Variants in PKP2 observed in about 807,000 individuals in gnomAD.
The protein encoded by PKP2 is plakophilin 2, also known as plakophilin-2.
PKP2 carries 73 observed loss-of-function variants against 83.4 expected under a neutral mutation model. The observed-to-expected ratio is 0.88, with a 90% CI of 0.72 to 1.06. The LOEUF (loss-of-function observed/expected upper bound fraction) is 1.06. Among genes scored for constraint, PKP2 ranks in the 50% least tolerant of loss-of-function variants. The pLI, the probability that PKP2 is intolerant of heterozygous loss-of-function variation, is 0.00. For missense variants in PKP2, 966 were observed against 1,065.4 expected (o/e 0.91, Z 1.30); for synonymous variants, 409 against 430.4 (o/e 0.95, Z 0.62).
intron 10 of PKP2, 21 bp downstream of exon 10, chr12:32,802,382 T>C (rs1278571463): frequency 2.5e-6 from 4 of 1,610,296 alleles, no homozygotes; most frequent in East Asian, 2.2e-5. Flanking sequence ...ATATTACACA[T>C]AGATACTTAT....
intron 1 of PKP2, among the ~76,000 whole-genome samples, chr12:32,885,577 G>A (rs914205190): frequency 4.0e-5 from 6 of 151,898 alleles, no homozygotes; most frequent in Admixed American, 1.3e-4. Context: ...CTTGGGGGCC[G>A]GGCTTGAACC....
chr12:32,835,043 G>A (rs1956532647), intron 6 of PKP2, among the ~76,000 whole-genome samples: 1 of 144,890 alleles, frequency 6.9e-6, no homozygotes, highest in Admixed American at 7.0e-5. Context: ...AAAGAAGACA[G>A]CCATTTCTTT....
chr12:32,868,400 T>C (rs1415153408), intron 4 of PKP2, among the ~76,000 whole-genome samples: 1 of 151,914 alleles, frequency 6.6e-6, no homozygotes, highest in Non-Finnish European at 1.5e-5. Flanking sequence ...TTTTTTTTAG[T>C]AGAGTTGGGG....
At chr12:32,887,045 C>G (rs151011231) in intron 1 of PKP2, among the ~76,000 whole-genome samples, 4 of 151,504 alleles carry the variant, frequency 2.6e-5, no homozygotes, top group African/African-American at 9.7e-5. Flanking sequence ...AAAATTGTTT[C>G]AAAGCAGATG....
Position 32,896,603 on chromosome 12 carries a change from G to T in PKP2, c.129C>A (p.Ser43Arg). The T allele has an allele frequency of 6.3e-7, 1 of 1,584,968 alleles. No individual in the cohort carries two copies. The change falls in exon 1 of 13, where the codon AGC (serine) becomes AGA (arginine). Residue 43 changes from serine (S) to arginine (R), a missense_variant. Transcript: ENST00000340811. ...PSEAKLKLAG[S>R]SGRGGQTVKS... ...TGACTGTCTGGCCGCCGCGGCCGCT[G>T]CTCCCCGCCAGCTTCAGCTTGGCCT...
At chr12:32,867,763 T>C (rs1281486715) in intron 4 of PKP2, among the ~76,000 whole-genome samples, 8 of 152,218 alleles carry the variant, frequency 5.3e-5, no homozygotes, top group Admixed American at 1.3e-4. Flanking sequence ...AAAATTGATA[T>C]ATGTGTTTGT....
chr12:32,834,865 T>C (rs191721129), intron 6 of PKP2, among the ~76,000 whole-genome samples: 2 of 151,590 alleles, frequency 1.3e-5, no homozygotes, highest in African/African-American at 4.8e-5. Context: ...CAATCAGTGA[T>C]GTAGAAAACA....
At chr12:32,800,821 C>G (rs916230710) in intron 10 of PKP2, among the ~76,000 whole-genome samples, 2 of 152,196 alleles carry the variant, frequency 1.3e-5, no homozygotes, top group Admixed American at 1.3e-4. Flanking sequence ...TGTGTGAAAT[C>G]TGTTATTCTG....
chr12:32,831,900 A>G (rs183231663), intron 6 of PKP2, among the ~76,000 whole-genome samples: 1 of 152,340 alleles, frequency 6.6e-6, no homozygotes, highest in Non-Finnish European at 1.5e-5. Flanking sequence ...CAGGAAGAAC[A>G]TGGGTGACCA....
Position 32,868,194 on chromosome 12 carries a change from A to G in PKP2, c.1170+733T>C, listed in dbSNP as rs188233251. On this transcript the variant is annotated intron_variant, in intron 4 of 12. Transcript: ENST00000340811. ...TGAGTGGCTGTTTTCTTTTAAAGTA[A>G]AAGACCTCAATTAAGTTTTTGTTTG... Among the ~76,000 whole-genome samples, 173 of 152,220 alleles carry G rather than the reference A, an allele frequency of 1.1e-3. 2 individuals are homozygous for G. Among genetic ancestry groups the G allele is most frequent in the African/African-American group, 3.4e-3 (142 of 41,550 alleles).
At chr12:32,806,851 A>C (rs1956230555) in intron 9 of PKP2, among the ~76,000 whole-genome samples, 1 of 152,114 alleles carries the variant, frequency 6.6e-6, no homozygotes, top group Admixed American at 6.6e-5. Flanking sequence ...TAGTGCTACA[A>C]ATTTCCCTCT....
At chr12:32,837,194 AG>A (rs1480345572) in intron 6 of PKP2, among the ~76,000 whole-genome samples, 1 of 152,206 alleles carries the variant, frequency 6.6e-6, no homozygotes, top group Non-Finnish European at 1.5e-5. Context: ...TATGAAGGGC[AG>A]GGGCTTTATC....
intron 3 of PKP2, among the ~76,000 whole-genome samples, chr12:32,875,405 G>C (rs753927882): frequency 6.6e-6 from 1 of 152,192 alleles, no homozygotes; most frequent in Non-Finnish European, 1.5e-5. Context: ...AAAGTAAAGA[G>C]GTTCCAGGTG....
intron 4 of PKP2, 87 bp from the exon 5 acceptor site, chr12:32,851,060 T>A: frequency 9.5e-7 from 1 of 1,051,734 alleles, no homozygotes; most frequent in Non-Finnish European, 1.4e-6. Flanking sequence ...TGAAGTTTAC[T>A]GATGCTGACT....
In PKP2 at chr12:32,821,453, A is replaced by C; in HGVS notation, c.1916T>G (p.Ile639Arg). 2.5e-6 allele frequency: 4 copies of C among 1,614,092 alleles called. No individual in the cohort carries two copies. The highest frequency in any genetic ancestry group is 3.4e-6 in the Non-Finnish European group (4 of 1,180,000). The change falls in exon 9 of 13, where the codon ATA becomes AGA. Residue 639 changes from isoleucine (I) to arginine (R), a missense_variant. Physicochemically the swap from Ile to Arg is moderately conservative, Grantham distance 97. Coordinates refer to ENST00000340811, the MANE Select transcript of PKP2 (RefSeq NM_001005242.3). ...GGCGATCAAGGACAGATACATCCTTATAACAATGGAATGCCACAGCCACTC... is the reference window on the plus strand; with the variant it reads ...GGCGATCAAGGACAGATACATCCTTCTAACAATGGAATGCCACAGCCACTC... ...GVEWLWHSIV[I>R]RMYLSLIAKS...
chr12:32,895,194 T>C (rs567258747), intron 1 of PKP2, among the ~76,000 whole-genome samples: 53 of 151,228 alleles, frequency 3.5e-4, no homozygotes, highest in African/African-American at 1.2e-3. Flanking sequence ...TTTAAATACA[T>C]ATATATATAT....
intron 6 of PKP2, among the ~76,000 whole-genome samples, chr12:32,831,775 A>C (rs1278344302): frequency 6.6e-6 from 1 of 152,196 alleles, no homozygotes; most frequent in Admixed American, 6.5e-5. Flanking sequence ...AGATATGAAT[A>C]GGACAGTGGA....
intron 9 of PKP2, among the ~76,000 whole-genome samples, chr12:32,815,213 T>C (rs946906969): frequency 6.6e-6 from 1 of 152,200 alleles, no homozygotes; most frequent in Non-Finnish European, 1.5e-5. Context: ...AAATTTAATC[T>C]GATTATGTTC....
intron 11 of PKP2, 64 bp downstream of exon 11, chr12:32,796,045 T>G: frequency 7.2e-7 from 1 of 1,395,072 alleles, no homozygotes; most frequent in Non-Finnish European, 1.0e-6. Context: ...CACAACCGGA[T>G]TATTTACACA....
Sources: allele counts gnomAD v4.1 joint callset (sites outside exome capture counted in the v4.1 genomes callset), GRCh38; gene constraint gnomAD v4.1.1; transcripts MANE v1.5; gene names NCBI Gene and HGNC (gene_info 2026-07-23, HGNC 2026-07-21).